Variants in CACNA2D3 observed in about 807,000 individuals in gnomAD.
The protein encoded by CACNA2D3 is calcium voltage-gated channel auxiliary subunit alpha2delta 3.
A neutral mutation model predicts 160.6 loss-of-function variants in CACNA2D3; 60 were observed. The ratio of observed to expected loss-of-function variants is 0.37; its 90% CI spans 0.30 to 0.46. The LOEUF (loss-of-function observed/expected upper bound fraction) is 0.46. CACNA2D3 is among the 20% of genes least tolerant of loss of function. The probability of loss-of-function intolerance (pLI) is 1.00; values close to 1 mark genes in which losing one functional copy is unlikely to be tolerated. For synonymous variants in CACNA2D3, 558 were observed against 492.9 expected (o/e 1.13, Z -1.75); for missense variants, 1,205 against 1,365.0 (o/e 0.88, Z 1.85).
At chr3:54,449,077 GA>G (rs1700264672) in intron 4 of CACNA2D3, among the ~76,000 whole-genome samples, 1 of 152,126 alleles carries the variant, frequency 6.6e-6, no homozygotes, top group Non-Finnish European at 1.5e-5. Flanking sequence ...TGTCATCATT[GA>G]ACTGTAGTTT....
intron 11 of CACNA2D3, among the ~76,000 whole-genome samples, chr3:54,665,707 A>G (rs1407741427): frequency 1.3e-5 from 2 of 152,082 alleles, no homozygotes; most frequent in Admixed American, 1.3e-4. Flanking sequence ...TTTGGCCCCA[A>G]ATTTTATGAA....
chr3:54,212,270 A>C (rs984977043), intron 2 of CACNA2D3, among the ~76,000 whole-genome samples: 1 of 152,154 alleles, frequency 6.6e-6, no homozygotes, highest in Non-Finnish European at 1.5e-5. Flanking sequence ...TACATCAATC[A>C]GTATCTGTAA....
intron 2 of CACNA2D3, among the ~76,000 whole-genome samples, chr3:54,196,144 T>C (rs1306666311): frequency 6.6e-6 from 1 of 152,284 alleles, no homozygotes. Context: ...AGTATCATTA[T>C]GCCTAAGCAT....
At chr3:54,673,244 A>T (rs757723038) in intron 11 of CACNA2D3, among the ~76,000 whole-genome samples, 19 of 152,238 alleles carry the variant, frequency 1.2e-4, no homozygotes, top group Non-Finnish European at 2.4e-4. Context: ...GGAAGTATTC[A>T]GCCAAATGTT....
At chr3:54,681,613 A>G (rs1041580719) in intron 11 of CACNA2D3, among the ~76,000 whole-genome samples, 1 of 151,890 alleles carries the variant, frequency 6.6e-6, no homozygotes, top group African/African-American at 2.4e-5. Context: ...ATGATGACAT[A>G]TAGGGGAAGA....
Position 54,338,621 on chromosome 3 carries a change from G to A in CACNA2D3, c.321+18063G>A, listed in dbSNP as rs552788359. On this transcript the variant is annotated intron_variant, in intron 3 of 37. Transcript: ENST00000474759. ...TCTTTCTGGCATTCCCCAGCATGCTGTCCAAAGGGCTTGTCGCTTATGGGC... is the reference window on the plus strand; with the variant it reads ...TCTTTCTGGCATTCCCCAGCATGCTATCCAAAGGGCTTGTCGCTTATGGGC... Among the ~76,000 whole-genome samples, 5 of 152,138 alleles carry A rather than the reference G, an allele frequency of 3.3e-5. No homozygotes were observed. In the South Asian group the frequency reaches 6.2e-4, roughly 19 times the overall value.
chr3:55,016,690 A>G (rs952336056), intron 34 of CACNA2D3, among the ~76,000 whole-genome samples: 1 of 152,234 alleles, frequency 6.6e-6, no homozygotes, highest in African/African-American at 2.4e-5. Context: ...CCTTAATGTC[A>G]GTGACCAGTT....
chr3:54,264,521 C>T (rs1023399401), intron 2 of CACNA2D3, among the ~76,000 whole-genome samples: 1 of 152,192 alleles, frequency 6.6e-6, no homozygotes, highest in South Asian at 2.1e-4. Flanking sequence ...TCCAGCTTAG[C>T]ACTGGAAGAG....
At chr3:55,004,649 G>T (rs1156951411) in intron 31 of CACNA2D3, 114 bp from the exon 32 acceptor site, 2 of 688,410 alleles carry the variant, frequency 2.9e-6, no homozygotes, top group Non-Finnish European at 5.2e-6. Context: ...GGGCTGCATG[G>T]TGTTTGTCAC....
At chr3:54,659,796 T>A (rs1204317578) in intron 11 of CACNA2D3, among the ~76,000 whole-genome samples, 2 of 152,162 alleles carry the variant, frequency 1.3e-5, no homozygotes, top group Non-Finnish European at 2.9e-5. Flanking sequence ...GTGTTTGTCT[T>A]CTTTAGTAAA....
At chr3:54,878,723 C>T (rs938695944) in intron 18 of CACNA2D3, 5 of 256,916 alleles carry the variant, frequency 1.9e-5, no homozygotes, top group African/African-American at 8.8e-5. Flanking sequence ...GGCATTTCAG[C>T]GGGTCTCCAG....
At chr3:54,220,014 T>G (rs3923436) in intron 2 of CACNA2D3, among the ~76,000 whole-genome samples, 13,009 of 152,286 alleles carry the variant, frequency 0.085, 1,773 homozygotes, top group African/African-American at 0.29. Flanking sequence ...TAACTGTGCC[T>G]TTTGAATCTC....
At chr3:54,492,373 C>A (rs151234433) in intron 4 of CACNA2D3, among the ~76,000 whole-genome samples, 2 of 152,180 alleles carry the variant, frequency 1.3e-5, no homozygotes, top group African/African-American at 4.8e-5. Context: ...CTACTCTGGA[C>A]CAGCTCCTCT....
chr3:54,610,403 G>A (rs190653625), intron 9 of CACNA2D3, among the ~76,000 whole-genome samples: 142 of 151,312 alleles, frequency 9.4e-4, no homozygotes, highest in Middle Eastern at 6.9e-3. Context: ...TAAAGCAGAG[G>A]ATTTTAATTT....
At chr3:54,499,894 T>C (rs982326019) in intron 4 of CACNA2D3, among the ~76,000 whole-genome samples, 1 of 152,172 alleles carries the variant, frequency 6.6e-6, no homozygotes, top group African/African-American at 2.4e-5. Context: ...ATTCTATAAA[T>C]GTAAATTAGA....
chr3:54,753,806 A>C (rs529873025), intron 12 of CACNA2D3, among the ~76,000 whole-genome samples: 127 of 152,360 alleles, frequency 8.3e-4, no homozygotes, highest in Non-Finnish European at 1.4e-3. Flanking sequence ...GTATGTGTAC[A>C]TTGTGTAAAT....
At chr3:54,719,167 T>C (rs1402360667) in intron 11 of CACNA2D3, among the ~76,000 whole-genome samples, 3 of 150,356 alleles carry the variant, frequency 2.0e-5, no homozygotes, top group Admixed American at 6.6e-5. Flanking sequence ...GGATTTCTTT[T>C]TTTTTTTTTT....
intron 5 of CACNA2D3, among the ~76,000 whole-genome samples, chr3:54,537,230 T>C (rs1047735637): frequency 6.6e-6 from 1 of 151,862 alleles, no homozygotes; most frequent in Non-Finnish European, 1.5e-5. Flanking sequence ...GCGATTAGGG[T>C]TAACTTTTCC....
intron 27 of CACNA2D3, 35 bp from the exon 28 acceptor site, chr3:54,968,415 C>T: frequency 7.2e-7 from 1 of 1,394,448 alleles, no homozygotes; most frequent in Non-Finnish European, 1.0e-6. Flanking sequence ...GTAAAGGGAT[C>T]ACTAATGCCT....
Sources: allele counts gnomAD v4.1 joint callset (sites outside exome capture counted in the v4.1 genomes callset), GRCh38; gene constraint gnomAD v4.1.1; transcripts MANE v1.5; gene names NCBI Gene and HGNC (gene_info 2026-07-23, HGNC 2026-07-21).